The following ESRRG variants were observed in gnomAD, a reference collection of about 807,000 sequenced individuals.
ESRRG encodes estrogen related receptor gamma, also known as estrogen-related receptor gamma.
In ESRRG, 13 loss-of-function variants were observed where a neutral mutation model predicts 44.0. The ratio of observed to expected loss-of-function variants is 0.30; its 90% CI spans 0.19 to 0.47. The LOEUF is 0.47. ESRRG is among the 20% of genes least tolerant of loss of function. ESRRG has a pLI of 1.00. For synonymous variants in ESRRG, 215 were observed against 214.6 expected (o/e 1.00, Z -0.02); for missense variants, 395 against 580.6 (o/e 0.68, Z 3.29).
chr1:216,878,822 A>G (rs1354915857), intron 2 of ESRRG, among the ~76,000 whole-genome samples: 1 of 152,250 alleles, frequency 6.6e-6, no homozygotes, highest in East Asian at 1.9e-4. Flanking sequence ...AAAGTATTAA[A>G]TTTTAACTTG....
At chr1:216,536,022 T>C (rs2050836982) in intron 5 of ESRRG, among the ~76,000 whole-genome samples, 1 of 152,166 alleles carries the variant, frequency 6.6e-6, no homozygotes, top group Non-Finnish European at 1.5e-5. Context: ...CTCTCTGGAC[T>C]ATTTTGTCCA....
chr1:216,708,537 T>C (rs760229796), intron 1 of ESRRG, among the ~76,000 whole-genome samples: 3 of 152,032 alleles, frequency 2.0e-5, no homozygotes, highest in African/African-American at 7.2e-5. Flanking sequence ...CCAGCTACAA[T>C]GGTGAGCATT....
intron 1 of ESRRG, among the ~76,000 whole-genome samples, chr1:217,038,126 G>C (rs1388001231): frequency 6.6e-6 from 1 of 152,166 alleles, no homozygotes; most frequent in Non-Finnish European, 1.5e-5. Context: ...TCTGAGGCCT[G>C]GAGGATGGTG....
At chr1:216,857,686 C>G (rs1355645408) in intron 2 of ESRRG, among the ~76,000 whole-genome samples, 1 of 148,096 alleles carries the variant, frequency 6.8e-6, no homozygotes, top group Non-Finnish European at 1.5e-5. Flanking sequence ...AAAACTAAGT[C>G]TAGTCCAGAA....
At chr1:216,724,629 CAG>C (rs1309744148), upstream of ESRRG, among the ~76,000 whole-genome samples, 4 of 151,966 alleles carry the variant, frequency 2.6e-5, no homozygotes, top group African/African-American at 9.7e-5. Context: ...TAGTTTCAAA[CAG>C]ATAATAATTT....
intron 1 of ESRRG, among the ~76,000 whole-genome samples, chr1:216,958,266 T>C (rs931141108): frequency 7.2e-5 from 11 of 152,312 alleles, no homozygotes; most frequent in South Asian, 2.1e-4. Flanking sequence ...TGTGGACTTA[T>C]CCTTTTGTTG....
chr1:217,071,083 T>G (rs1351842343), intron 1 of ESRRG, among the ~76,000 whole-genome samples: 1 of 152,174 alleles, frequency 6.6e-6, no homozygotes. Flanking sequence ...CTGCCATTTC[T>G]TCTTCTCCAT....
At chr1:216,682,211 A>C (rs964978357) in intron 1 of ESRRG, among the ~76,000 whole-genome samples, 4 of 152,232 alleles carry the variant, frequency 2.6e-5, no homozygotes. Context: ...TAAAATTCTC[A>C]TAAGGAATGT....
In ESRRG at chr1:216,635,573, G is replaced by T. The variant is rs2065127844; in HGVS notation, c.589+15400C>A. On this transcript the variant is annotated intron_variant, in intron 3 of 6. Transcript: ENST00000408911. The stretch of plus-strand genomic sequence containing the variant: ...CCTGAGAAAAAGTTAGCAATGTCCG[G>T]ATGAGAAGTGATTCCATGGATTCAA... 1.3e-5 allele frequency among the ~76,000 whole-genome samples: 2 copies of T among 152,132 alleles called. 1 individual carries two copies. Among genetic ancestry groups the T allele is most frequent in the South Asian group, 4.2e-4 (2 of 4,818 alleles).
At position 216,630,975 on chromosome 1, in the gene ESRRG, CT is replaced by C. The variant is rs377409070; in HGVS notation, c.589+19997del. ...TTATCTCTTCAAATGTTCCTGTTTTCTTTTTTTAAATATACATAAATTTAGA... is the reference window on the plus strand; with the variant it reads ...TTATCTCTTCAAATGTTCCTGTTTTCTTTTTTAAATATACATAAATTTAGA... On this transcript the variant is annotated intron_variant, in intron 3 of 6. Transcript: ENST00000408911. Among the ~76,000 whole-genome samples, 96 of 151,112 alleles carry C rather than the reference CT, an allele frequency of 6.4e-4. 1 individual carries two copies. In the East Asian group the frequency reaches 0.015, roughly 24 times the overall value.
chr1:216,828,354 T>C (rs1052417284), intron 2 of ESRRG, among the ~76,000 whole-genome samples: 1 of 152,208 alleles, frequency 6.6e-6, no homozygotes, highest in Non-Finnish European at 1.5e-5. Context: ...TTTATTTACC[T>C]GTTCGTTTGG....
intron 2 of ESRRG, among the ~76,000 whole-genome samples, chr1:216,652,698 C>T (rs1178850399): frequency 2.0e-5 from 3 of 152,072 alleles, no homozygotes; most frequent in Admixed American, 6.6e-5. Context: ...AAGGATAAGT[C>T]AAAGAAACCA....
At chr1:217,096,668 C>T (rs2092428807) in intron 1 of ESRRG, among the ~76,000 whole-genome samples, 1 of 107,732 alleles carries the variant, frequency 9.3e-6, no homozygotes, top group Non-Finnish European at 1.9e-5. Context: ...GATGACTCCT[C>T]CCACTGTCCT....
At chr1:217,063,826 G>A (rs943463818) in intron 1 of ESRRG, among the ~76,000 whole-genome samples, 4 of 152,124 alleles carry the variant, frequency 2.6e-5, no homozygotes, top group Admixed American at 2.0e-4. Flanking sequence ...TAAAATCTGC[G>A]TTTTAATGAG....
intron 2 of ESRRG, among the ~76,000 whole-genome samples, chr1:216,835,843 G>C (rs1168461612): frequency 6.6e-6 from 1 of 152,098 alleles, no homozygotes. Context: ...CATTTAATGA[G>C]GGAACTTAGC....
At chr1:216,858,622 C>T (rs2095996519) in intron 2 of ESRRG, among the ~76,000 whole-genome samples, 1 of 152,112 alleles carries the variant, frequency 6.6e-6, no homozygotes, top group Admixed American at 6.6e-5. Context: ...AGGTTCTTCA[C>T]ATTTGGCATT....
intron 1 of ESRRG, among the ~76,000 whole-genome samples, chr1:217,043,638 G>A (rs909459322): frequency 2.8e-5 from 2 of 70,190 alleles, no homozygotes; most frequent in African/African-American, 5.9e-5. Context: ...CAGGATAAGA[G>A]GCAAAGAATA....
chr1:216,985,268 G>A lies in ESRRG; in HGVS notation c.-105-45595C>T, dbSNP rs1048416257. Among the ~76,000 whole-genome samples, 13 of 152,290 alleles carry A rather than the reference G, an allele frequency of 8.5e-5. 1 individual carries two copies. Among genetic ancestry groups the A allele is most frequent in the South Asian group, 4.1e-4 (2 of 4,826 alleles). On this transcript the variant is annotated intron_variant, in intron 1 of 7. Coordinates refer to the ESRRG transcript ENST00000359162. ...CAGTTTTTCCCAACACCACAGGAAA[G>A]AACCTCTGGTAAAGGAATTCTTTAG...
chr1:216,874,289 T>G (rs1468190709), intron 2 of ESRRG, among the ~76,000 whole-genome samples: 1 of 152,148 alleles, frequency 6.6e-6, no homozygotes, highest in Non-Finnish European at 1.5e-5. Context: ...TCTGTCCAGC[T>G]CTCATAGCTC....
Sources: gnomAD v4.1 joint callset for allele counts (sites outside exome capture counted in the v4.1 genomes callset) on GRCh38, gnomAD v4.1.1 for gene constraint, MANE v1.5 for transcripts, NCBI Gene and HGNC (gene_info 2026-07-23, HGNC 2026-07-21) for gene names.